Variants in KLF8 observed in about 807,000 individuals in gnomAD.
KLF8 encodes Krueppel-like factor 8.
Under a neutral mutation model 18.2 loss-of-function variants are expected in KLF8, and 10 were observed. That is an observed-to-expected ratio of 0.55 (90% CI 0.34 to 0.93). The LOEUF (loss-of-function observed/expected upper bound fraction) is 0.93. Among genes scored for constraint, KLF8 ranks in the 40% least tolerant of loss-of-function variants. KLF8 has a pLI of 0.02. For synonymous variants in KLF8, 109 were observed against 97.3 expected, an observed-to-expected ratio of 1.12 and a Z score of -0.71; for missense variants, 264 against 277.9, an observed-to-expected ratio of 0.95 and a Z score of 0.36.
the KLF8 span, among the ~76,000 whole-genome samples, chrX:56,002,258 CA>C: frequency 1.8e-5 from 2 of 111,754 alleles, no homozygotes; most frequent in African/African-American, 6.5e-5. Context: ...CTAACCCCTG[CA>C]CACCTATTCT....
At chrX:56,159,423 C>T in the KLF8 span, among the ~76,000 whole-genome samples, 3 of 112,287 alleles carry the variant, frequency 2.7e-5, no homozygotes, top group South Asian at 3.7e-4. Context: ...GGGAGGATTC[C>T]CTCTTTTTCT....
At chrX:56,262,394 C>A (rs2066893968) in intron 2 of KLF8, among the ~76,000 whole-genome samples, 1 of 111,913 alleles carries the variant, frequency 8.9e-6, no homozygotes, top group African/African-American at 3.2e-5. Flanking sequence ...ATCAGCTAAA[C>A]ACAAGGCCTT....
chrX:56,141,443 C>CTAATTTATTTATAAATTAAAGATTATT, the KLF8 span, among the ~76,000 whole-genome samples: 1 of 111,187 alleles, frequency 9.0e-6, no homozygotes, highest in South Asian at 3.7e-4. Context: ...CAAGTGCAAT[C>CTAATTTATTTATAAATTAAAGATTATT]TAATTTATTT....
the KLF8 span, among the ~76,000 whole-genome samples, chrX:55,944,130 C>T: frequency 7.2e-5 from 8 of 111,012 alleles, no homozygotes; most frequent in African/African-American, 2.6e-4. Context: ...TGCTGGATTA[C>T]ATTTATTGAT....
the KLF8 span, among the ~76,000 whole-genome samples, chrX:55,990,657 G>T: frequency 9.0e-6 from 1 of 111,661 alleles, no homozygotes; most frequent in Non-Finnish European, 1.9e-5. Context: ...TTTGATGATG[G>T]TGACATACAG....
chrX:55,939,578 A>T, the KLF8 span, among the ~76,000 whole-genome samples: 1 of 111,811 alleles, frequency 8.9e-6, no homozygotes, highest in African/African-American at 3.3e-5. Flanking sequence ...AAAATCAATG[A>T]ATCCAGGAGG....
At chrX:55,940,367 G>T in the KLF8 span, among the ~76,000 whole-genome samples, 1 of 111,722 alleles carries the variant, frequency 9.0e-6, no homozygotes, top group African/African-American at 3.3e-5. Context: ...AGTTATTGAT[G>T]GGACGTATCT....
the KLF8 span, among the ~76,000 whole-genome samples, chrX:56,069,937 A>C: frequency 1.8e-5 from 2 of 112,733 alleles, no homozygotes; most frequent in African/African-American, 6.4e-5. Flanking sequence ...TTCTCCTATA[A>C]AGACACATGC....
At chrX:56,279,527 C>T (rs2067169682) in intron 5 of KLF8, among the ~76,000 whole-genome samples, 1 of 111,990 alleles carries the variant, frequency 8.9e-6, no homozygotes, top group African/African-American at 3.2e-5. Flanking sequence ...TGGGAATAAG[C>T]TTGCCTTGTT....
chrX:56,152,057 G>C, the KLF8 span, among the ~76,000 whole-genome samples: 1 of 111,777 alleles, frequency 8.9e-6, no homozygotes, highest in South Asian at 3.7e-4. Flanking sequence ...ATAATTTATA[G>C]TTTTAGGAAT....
chrX:56,222,819 G>T, the KLF8 span, among the ~76,000 whole-genome samples: 1 of 113,115 alleles, frequency 8.8e-6, no homozygotes, highest in African/African-American at 3.2e-5. Context: ...ACTGCCCGGG[G>T]CTAGCGGGGC....
the KLF8 span, among the ~76,000 whole-genome samples, chrX:56,190,423 C>T: frequency 9.0e-6 from 1 of 111,676 alleles, no homozygotes; most frequent in East Asian, 2.8e-4. Context: ...ACAGATGTTC[C>T]AGACAGGAAA....
At chrX:55,982,315 G>C in the KLF8 span, among the ~76,000 whole-genome samples, 4 of 111,549 alleles carry the variant, frequency 3.6e-5, no homozygotes, top group Admixed American at 2.9e-4. Context: ...GTCATCTCAA[G>C]TCCTATCAAT....
the KLF8 span, among the ~76,000 whole-genome samples, chrX:56,004,933 A>C: frequency 9.0e-6 from 1 of 111,553 alleles, no homozygotes; most frequent in East Asian, 2.8e-4. Context: ...GCTAGTCCAC[A>C]AATAAAAGCC....
chrX:56,256,701 G>A (rs1184858508), intron 2 of KLF8, among the ~76,000 whole-genome samples: 4 of 111,692 alleles, frequency 3.6e-5, no homozygotes. Context: ...TTTTGTTGTA[G>A]TTGGTTTTTT....
the KLF8 span, among the ~76,000 whole-genome samples, chrX:56,095,063 T>C: frequency 1.1e-4 from 12 of 110,595 alleles, no homozygotes; most frequent in Admixed American, 1.9e-4. Flanking sequence ...GAGAAAAAAA[T>C]GGACAAAGCT....
the KLF8 span, among the ~76,000 whole-genome samples, chrX:55,926,480 GATTACACTAGTCTGTGTATTT>G: frequency 1.8e-5 from 2 of 109,865 alleles, no homozygotes; most frequent in Non-Finnish European, 3.8e-5. Flanking sequence ...TAGACTTCCT[GATTACACTAGTCTGTGTATTT>G]ACTCACGCAC....
the KLF8 span, among the ~76,000 whole-genome samples, chrX:56,095,525 G>A: frequency 9.0e-6 from 1 of 111,522 alleles, no homozygotes. Flanking sequence ...ACAACCTACA[G>A]AATGGAAAAT....
the KLF8 span, among the ~76,000 whole-genome samples, chrX:56,160,864 T>G: frequency 9.0e-6 from 1 of 111,651 alleles, no homozygotes; most frequent in Non-Finnish European, 1.9e-5. Context: ...CTGTGTCTTT[T>G]AATTGGAGCA....
Sources: allele counts gnomAD v4.1 joint callset (sites outside exome capture counted in the v4.1 genomes callset), GRCh38; gene constraint gnomAD v4.1.1; transcripts MANE v1.5; gene names NCBI Gene and HGNC (gene_info 2026-07-23, HGNC 2026-07-21).